Variants in ROBO1 observed in about 807,000 individuals in gnomAD.
ROBO1 encodes roundabout homolog 1.
Under a neutral mutation model 195.9 loss-of-function variants are expected in ROBO1, and 149 were observed. The ratio of observed to expected loss-of-function variants is 0.76; its 90% CI spans 0.67 to 0.87. The LOEUF (loss-of-function observed/expected upper bound fraction) is 0.87, where lower values mean the gene tolerates loss of function less well. ROBO1 is among the 40% of genes least tolerant of loss of function. The probability of loss-of-function intolerance (pLI) is 0.00; values close to 1 mark genes in which losing one functional copy is unlikely to be tolerated. For missense variants in ROBO1, 1,933 were observed against 2,068.3 expected, an observed-to-expected ratio of 0.93 and a Z score of 1.27; for synonymous variants, 816 against 733.2, an observed-to-expected ratio of 1.11 and a Z score of -1.82.
chr3:79,761,743 C>T (rs1237418464), intron 1 of ROBO1, among the ~76,000 whole-genome samples: 1 of 152,158 alleles, frequency 6.6e-6, no homozygotes, highest in Non-Finnish European at 1.5e-5. Context: ...AAATCTTTCT[C>T]TGAAGCACGG....
intron 3 of ROBO1, among the ~76,000 whole-genome samples, chr3:79,017,343 C>T (rs191583737): frequency 3.3e-5 from 5 of 152,130 alleles, no homozygotes; most frequent in African/African-American, 1.2e-4. Context: ...CTCAAACTAA[C>T]CTTTAAAATC....
chr3:79,591,676 C>G (rs2107825280), intron 1 of ROBO1, among the ~76,000 whole-genome samples: 1 of 151,882 alleles, frequency 6.6e-6, no homozygotes, highest in Non-Finnish European at 1.5e-5. Context: ...ATTAGTTTGT[C>G]CAAAAGCTCT....
intron 12 of ROBO1, 59 bp downstream of exon 12, chr3:78,668,425 A>C: frequency 6.3e-7 from 1 of 1,598,268 alleles, no homozygotes; most frequent in Non-Finnish European, 8.6e-7. Context: ...TCAATATCCC[A>C]GTAAGTAAAC....
intron 3 of ROBO1, among the ~76,000 whole-genome samples, chr3:79,034,024 TTA>T (rs1261599333): frequency 2.0e-5 from 3 of 152,166 alleles, no homozygotes; most frequent in Non-Finnish European, 4.4e-5. Flanking sequence ...AAATAGTGCT[TTA>T]TAATTTACTC....
At chr3:79,038,556 A>G (rs996220295) in intron 3 of ROBO1, among the ~76,000 whole-genome samples, 2 of 152,134 alleles carry the variant, frequency 1.3e-5, no homozygotes, top group Non-Finnish European at 2.9e-5. Flanking sequence ...AGGTGAAGTA[A>G]ACTTCTACCT....
In ROBO1 at chr3:79,107,877, T is replaced by A. The variant is rs2079814628; in HGVS notation, c.172+17579A>T. 2.6e-5 allele frequency among the ~76,000 whole-genome samples: 4 copies of A among 151,860 alleles called. No homozygotes were observed. In the South Asian group the frequency reaches 8.3e-4, roughly 31 times the overall value. ...TTAAGATAATATTAATATCAACAAG[T>A]ACAATTTTCCCTTGAACCTGATAAA... On this transcript the variant is annotated intron_variant, in intron 3 of 30. Coordinates refer to ENST00000464233, the MANE Select transcript of ROBO1 (RefSeq NM_002941.4).
chr3:79,477,606 T>C (rs2107357662), intron 2 of ROBO1, among the ~76,000 whole-genome samples: 1 of 152,230 alleles, frequency 6.6e-6, no homozygotes, highest in African/African-American at 2.4e-5. Context: ...TGAACATATA[T>C]GTTTACCAAG....
intron 2 of ROBO1, among the ~76,000 whole-genome samples, chr3:79,540,234 G>A (rs898443033): frequency 6.6e-6 from 1 of 151,836 alleles, no homozygotes; most frequent in African/African-American, 2.4e-5. Context: ...AACAGTACTC[G>A]GCAAAAAATA....
intron 4 of ROBO1, among the ~76,000 whole-genome samples, chr3:78,881,587 G>C (rs570018324): frequency 6.6e-6 from 1 of 152,208 alleles, no homozygotes; most frequent in South Asian, 2.1e-4. Context: ...ATTTAACTAT[G>C]ATGAGCTAAT....
At chr3:79,139,746 G>A (rs750083248) in intron 2 of ROBO1, among the ~76,000 whole-genome samples, 5 of 152,046 alleles carry the variant, frequency 3.3e-5, no homozygotes, top group East Asian at 1.9e-4. Context: ...GGCTCTCTCC[G>A]TCTGTTGACT....
Position 79,141,666 on chromosome 3 carries a change from C to T in ROBO1, c.89-16127G>A, listed in dbSNP as rs555443148. ...AGGCTGTTTGTAGCAATGGTTATGG[C>T]ATAAGGGGTTTCACTGCGCAAATTC... On this transcript the variant is annotated intron_variant, in intron 2 of 30. Transcript: ENST00000464233. Among the ~76,000 whole-genome samples the T allele has an allele frequency of 1.3e-3, 192 of 151,310 alleles. 1 individual carries two copies. Among genetic ancestry groups the T allele is most frequent in the African/African-American group, 4.5e-3 (186 of 41,326 alleles).
chr3:78,740,871 T>C (rs143047276), intron 5 of ROBO1, among the ~76,000 whole-genome samples: 249 of 152,298 alleles, frequency 1.6e-3, no homozygotes, highest in Non-Finnish European at 3.0e-3. Flanking sequence ...AAACATATCA[T>C]ATATACTATG....
intron 2 of ROBO1, among the ~76,000 whole-genome samples, chr3:79,283,967 G>T (rs372162358): frequency 1.3e-5 from 2 of 152,042 alleles, no homozygotes; most frequent in African/African-American, 4.8e-5. Context: ...AAAGTGCTGG[G>T]ATTACAGGCG....
intron 2 of ROBO1, among the ~76,000 whole-genome samples, chr3:79,255,267 G>C (rs1176600907): frequency 6.6e-6 from 1 of 152,100 alleles, no homozygotes; most frequent in African/African-American, 2.4e-5. Context: ...GAGGCTGGAG[G>C]ATGGCTTGAG....
chr3:78,714,436 C>T lies in ROBO1; in HGVS notation c.1006G>A (p.Val336Met), dbSNP rs2081847331. The change falls in exon 8 of 31, where the codon GTG (valine) becomes ATG (methionine). Residue 336 changes from valine (V) to methionine (M), a missense_variant. Val to Met is a conservative substitution (Grantham distance 21). Coordinates refer to ENST00000464233, the MANE Select transcript of ROBO1 (RefSeq NM_002941.4). Reference sequence around the variant, plus strand: ...GTAGCAGATGCTTCAGCTTTGCCCACCATATTTTCTGCAACACAAGTGTAT... The same window carrying T: ...GTAGCAGATGCTTCAGCTTTGCCCATCATATTTTCTGCAACACAAGTGTAT... ...GSYTCVAENM[V>M]GKAEASATLT... The T allele has an allele frequency of 1.9e-6, 3 of 1,613,110 alleles. No homozygotes were observed. Among genetic ancestry groups the T allele is most frequent in the Admixed American group, 1.7e-5 (1 of 59,910 alleles).
In ROBO1 at chr3:78,668,288, C is replaced by A. The variant is rs1169820964; in HGVS notation, c.1645G>T (p.Val549Phe). ...GGGTCAGTAGGTCTTGGAGGCTGAA[C>A]TGGAACTCCAAATTCTAAAAAGCAG... ...YIEVQEFGVPVQPPRPTDPNL... is the reference protein window; with the variant it reads ...YIEVQEFGVPFQPPRPTDPNL... Residue 549 changes from valine to phenylalanine, a missense_variant, in exon 13 of 31, where the codon GTT becomes TTT. Physicochemically the swap from Val to Phe is conservative, Grantham distance 50. Coordinates refer to ENST00000464233, the MANE Select transcript of ROBO1 (RefSeq NM_002941.4). 2 of 1,612,796 alleles carry A rather than the reference C, an allele frequency of 1.2e-6. No homozygotes were observed. The highest frequency in any genetic ancestry group is 1.7e-5 in the Admixed American group (1 of 59,754).
At chr3:79,479,910 C>G (rs7631357) in intron 2 of ROBO1, among the ~76,000 whole-genome samples, 72,003 of 151,944 alleles carry the variant, frequency 0.47, 17,143 homozygotes, top group Non-Finnish European at 0.5. Flanking sequence ...CTCAGGCCAC[C>G]TTAACATGGA....
intron 2 of ROBO1, among the ~76,000 whole-genome samples, chr3:79,277,198 C>T (rs1161635880): frequency 6.6e-6 from 1 of 151,944 alleles, no homozygotes; most frequent in Admixed American, 6.6e-5. Flanking sequence ...TTCACAGTAG[C>T]TAAGATTTGA....
chr3:78,727,889 A>G (rs1279599858), intron 5 of ROBO1, among the ~76,000 whole-genome samples: 2 of 152,198 alleles, frequency 1.3e-5, no homozygotes, highest in East Asian at 3.9e-4. Context: ...TCATTTTTAT[A>G]TATTCTATAA....
Sources: allele counts gnomAD v4.1 joint callset (sites outside exome capture counted in the v4.1 genomes callset), GRCh38; gene constraint gnomAD v4.1.1; transcripts MANE v1.5; gene names NCBI Gene and HGNC (gene_info 2026-07-23, HGNC 2026-07-21).